CUEDC2: variants seen among roughly 807,000 people sequenced by gnomAD.
CUEDC2 encodes CUE domain-containing protein 2.
A neutral mutation model predicts 36.0 loss-of-function variants in CUEDC2; 10 were observed. That is an observed-to-expected ratio of 0.28 (90% CI 0.17 to 0.47). The LOEUF is 0.47. CUEDC2 is among the 20% of genes least tolerant of loss of function. CUEDC2 has a pLI of 0.99. For missense variants in CUEDC2, 269 were observed against 368.1 expected (o/e 0.73, Z 2.20); for synonymous variants, 133 against 141.8 (o/e 0.94, Z 0.44).
At chr10:102,430,135 T>TTC (rs1198744415) in intron 1 of CUEDC2, among the ~76,000 whole-genome samples, 3 of 118,480 alleles carry the variant, frequency 2.5e-5, no homozygotes, top group Admixed American at 9.1e-5. Context: ...GGTTTTCTTT[T>TTC]TTTTTTTTTA....
At position 102,424,205 on chromosome 10, in the gene CUEDC2, C is replaced by A. The variant is rs1334956862; in HGVS notation, c.412-27G>T. ...TAAGGGTACAAACGTTAACAAGAGG[C>A]AATACTCCCCCCTTTCCAGCCCCCT... On this transcript the variant is annotated intron_variant, in intron 5 of 8. Coordinates refer to ENST00000369937, the MANE Select transcript of CUEDC2 (RefSeq NM_024040.3). The surrounding 1 kb of genome is among the most constrained non-coding windows in gnomAD (Gnocchi z 4.2). The A allele has an allele frequency of 5.0e-6, 8 of 1,611,320 alleles. No homozygotes were observed. In the South Asian group the frequency reaches 8.8e-5, roughly 18 times the overall value.
At position 102,424,172 on chromosome 10, in the gene CUEDC2, C is replaced by A; in HGVS notation, c.418G>T (p.Gly140Cys). Residue 140 changes from glycine to cysteine, a missense_variant, in exon 6 of 9, where the codon GGC becomes TGC. Gly to Cys is a radical substitution (Grantham distance 159). Transcript: ENST00000369937. This position sits in a 1 kb window ranked among gnomAD's most constrained non-coding sequence, Gnocchi z 4.2. ...CCTGGCAGAAGCTCCTCCTCAGCGCCAGTTGCCTAAGGGTACAAACGTTAA... is the reference window on the plus strand; with the variant it reads ...CCTGGCAGAAGCTCCTCCTCAGCGCAAGTTGCCTAAGGGTACAAACGTTAA... The part of the protein sequence containing the change: ...AAADTQDEAT[G>C]AEEELLPGVD... The A allele has an allele frequency of 6.2e-7, 1 of 1,613,894 alleles. No individual in the cohort carries two copies. The highest frequency in any genetic ancestry group is 8.5e-7 in the Non-Finnish European group (1 of 1,179,860).
chr10:102,429,880 T>C (rs1024015224), intron 1 of CUEDC2, among the ~76,000 whole-genome samples: 5 of 147,088 alleles, frequency 3.4e-5, no homozygotes, highest in Non-Finnish European at 6.0e-5. Flanking sequence ...AGTGCAATGG[T>C]GTGAACCTGA....
Position 102,423,775 on chromosome 10 carries a change from A to G in CUEDC2, c.656+23T>C, listed in dbSNP as rs891530533. The G allele has an allele frequency of 1.2e-6, 2 of 1,613,344 alleles. No homozygotes were observed. The highest frequency in any genetic ancestry group is 1.7e-6 in the Non-Finnish European group (2 of 1,179,644). On this transcript the variant is annotated intron_variant, in intron 7 of 8. Coordinates refer to ENST00000369937, the MANE Select transcript of CUEDC2 (RefSeq NM_024040.3). The surrounding 1 kb of genome is among the most constrained non-coding windows in gnomAD (Gnocchi z 5.6). Reference sequence around the variant, plus strand: ...ACCCTGGGAAGACCCTCTAGGGCCCAGCCCAGCCCAGCCCAGACTCACTTC... The same window carrying G: ...ACCCTGGGAAGACCCTCTAGGGCCCGGCCCAGCCCAGCCCAGACTCACTTC...
chr10:102,425,212 G>C lies in CUEDC2; in HGVS notation c.-10-14C>G, dbSNP rs1263334805. 1.2e-6 allele frequency: 2 copies of C among 1,605,858 alleles called. No homozygotes were observed. The highest frequency in any genetic ancestry group is 1.7e-6 in the Non-Finnish European group (2 of 1,173,200). ...ATGCTCTCTCTTCTGAAGGGACACA[G>C]ACAGGATGGCCAGGCCTTCTTCTGC... is the stretch of plus-strand genomic sequence containing the variant. On this transcript the variant is annotated splice_polypyrimidine_tract_variant and intron_variant, in intron 1 of 8. Coordinates refer to ENST00000369937, the MANE Select transcript of CUEDC2 (RefSeq NM_024040.3).
chr10:102,426,034 C>A (rs993756612), intron 1 of CUEDC2, among the ~76,000 whole-genome samples: 1 of 152,164 alleles, frequency 6.6e-6, no homozygotes, highest in South Asian at 2.1e-4. Flanking sequence ...TCTCCATGCC[C>A]CTTAACCCTA....
At position 102,424,447 on chromosome 10, in the gene CUEDC2, G is replaced by A. The variant is rs897416445; in HGVS notation, c.280+52C>T. The A allele has an allele frequency of 1.9e-6, 3 of 1,614,096 alleles. No individual in the cohort carries two copies. Among genetic ancestry groups the A allele is most frequent in the Non-Finnish European group, 2.5e-6 (3 of 1,179,982 alleles). ...TTGCCAAGGCTCTGGGGAGCAGGCA[G>A]TTGGGGGAGCGGGATTATGAATCAC... On this transcript the variant is annotated intron_variant, in intron 4 of 8. Transcript: ENST00000369937. This position sits in a 1 kb window ranked among gnomAD's most constrained non-coding sequence, Gnocchi z 4.2.
intron 1 of CUEDC2, among the ~76,000 whole-genome samples, chr10:102,428,514 T>G (rs961386735): frequency 2.0e-5 from 3 of 152,146 alleles, no homozygotes; most frequent in African/African-American, 7.2e-5. Flanking sequence ...ACACAAACTA[T>G]TTCCTCTGCC....
intron 1 of CUEDC2, among the ~76,000 whole-genome samples, chr10:102,425,965 C>T (rs758521543): frequency 1.7e-4 from 26 of 152,150 alleles, no homozygotes; most frequent in Non-Finnish European, 3.1e-4. Flanking sequence ...CTCAGGGCTC[C>T]GCTCAAATGT....
rs778499786 is a variant in CUEDC2 at position 102,423,851 on chromosome 10, G to A, written c.603C>T (p.Pro201=). ...CCTTTTGGGGGCCTCTGAGGCGTCT[G>A]GGCAGGTCCTGCAGAGAGGGGAGGC... ...AAWEGPNQDL[P]RRLRGPQKDE... Residue 201 remains proline, a synonymous_variant, in exon 7 of 9, where the codon CCC becomes CCT. Transcript: ENST00000369937. The surrounding 1 kb of genome is among the most constrained non-coding windows in gnomAD (Gnocchi z 5.6). 6.2e-7 allele frequency: 1 copy of A among 1,613,260 alleles called. No homozygotes were observed. The highest frequency in any genetic ancestry group is 1.1e-5 in the South Asian group (1 of 91,000).
chr10:102,424,009 T>G lies in CUEDC2; in HGVS notation c.581A>C (p.Glu194Ala). The change falls in exon 6 of 9, where the codon GAG becomes GCG. Residue 194 changes from glutamate (E) to alanine (A), a missense_variant. By Grantham distance (107) the Glu-to-Ala change is moderately radical. Coordinates refer to ENST00000369937, the MANE Select transcript of CUEDC2 (RefSeq NM_024040.3). This position sits in a 1 kb window ranked among gnomAD's most constrained non-coding sequence, Gnocchi z 4.2. Reference sequence around the variant, plus strand: ...GGGAAAAGATACCTGGTTGGGGCCCTCCCAGGCTGCAGGCCCCTCTTCCTT... The same window carrying G: ...GGGAAAAGATACCTGGTTGGGGCCCGCCCAGGCTGCAGGCCCCTCTTCCTT... ...EGKEEGPAAW[E>A]GPNQDLPRRL... 6.2e-7 allele frequency: 1 copy of G among 1,613,866 alleles called. No homozygotes were observed. Among genetic ancestry groups the G allele is most frequent in the Non-Finnish European group, 8.5e-7 (1 of 1,179,888 alleles).
rs549700732 is a variant in CUEDC2, at chr10:102,427,343, A to C, written c.-10-2145T>G. Among the ~76,000 whole-genome samples, 4 of 152,208 alleles carry C rather than the reference A, an allele frequency of 2.6e-5. No individual in the cohort carries two copies. In the East Asian group the frequency reaches 7.7e-4, roughly 29 times the overall value. On this transcript the variant is annotated intron_variant, in intron 1 of 8. Coordinates refer to ENST00000369937, the MANE Select transcript of CUEDC2 (RefSeq NM_024040.3). ...TACCAATGCCATGTCATCAATTCCC[A>C]AATGTCCAGTCCTCTAGTCCAGTCT... is the stretch of plus-strand genomic sequence containing the variant.
intron 1 of CUEDC2, among the ~76,000 whole-genome samples, chr10:102,425,814 C>T (rs934154020): frequency 2.0e-5 from 3 of 152,086 alleles, no homozygotes; most frequent in Non-Finnish European, 4.4e-5. Flanking sequence ...GAGGAGCCCA[C>T]AGATCTGGCC....
rs1217316146 is a variant in CUEDC2 at position 102,423,813 on chromosome 10, G to A, written c.641C>T (p.Ser214Phe). ...CCAGACTCACTTCTGCAGGATGAAG[G>A]ACTTCAGCTCATCCTTTTGGGGGCC... Reference protein sequence around the residue: ...LRGPQKDELKSFILQKYMMVD... With the variant: ...LRGPQKDELKFFILQKYMMVD... Residue 214 changes from serine to phenylalanine, a missense_variant, in exon 7 of 9, where the codon TCC becomes TTC. Coordinates refer to ENST00000369937, the MANE Select transcript of CUEDC2 (RefSeq NM_024040.3). The surrounding 1 kb of genome is among the most constrained non-coding windows in gnomAD (Gnocchi z 5.6). 1 of 1,613,948 alleles carries A rather than the reference G, an allele frequency of 6.2e-7. No individual in the cohort carries two copies. The highest frequency in any genetic ancestry group is 8.5e-7 in the Non-Finnish European group (1 of 1,179,950).
chr10:102,424,110 C>T lies in CUEDC2; in HGVS notation c.480G>A (p.Ser160=), dbSNP rs200525665. 2.8e-5 allele frequency: 45 copies of T among 1,614,110 alleles called. No individual in the cohort carries two copies. In the East Asian group the frequency reaches 2.9e-4, roughly 10 times the overall value. Residue 160 remains serine, a synonymous_variant, in exon 6 of 9, where the codon TCG becomes TCA. Coordinates refer to ENST00000369937, the MANE Select transcript of CUEDC2 (RefSeq NM_024040.3). The surrounding 1 kb of genome is among the most constrained non-coding windows in gnomAD (Gnocchi z 4.2). ...CCAGCACCCACTGGGCCTGCTCCACCGAACAGGTAGGGAACACCTCCAGGA... is the reference window on the plus strand; with the variant it reads ...CCAGCACCCACTGGGCCTGCTCCACTGAACAGGTAGGGAACACCTCCAGGA... The part of the protein sequence containing the change: ...DVLLEVFPTC[S]VEQAQWVLAK...
intron 1 of CUEDC2, among the ~76,000 whole-genome samples, chr10:102,428,153 C>A (rs1489608295): frequency 3.9e-5 from 6 of 152,136 alleles, no homozygotes; most frequent in African/African-American, 1.4e-4. Flanking sequence ...GTTGGCCAGG[C>A]AGGTCTTGAA....
rs766578679 is a variant in CUEDC2 at position 102,423,659 on chromosome 10, C to T, written c.715G>A (p.Glu239Lys). 1.2e-6 allele frequency: 2 copies of T among 1,614,208 alleles called. No individual in the cohort carries two copies. The highest frequency in any genetic ancestry group is 1.1e-5 in the South Asian group (1 of 91,090). Residue 239 changes from glutamate (E) to lysine (K), a missense_variant and splice_region_variant, in exon 8 of 9, where the codon GAG becomes AAG. Physicochemically the swap from Glu to Lys is moderately conservative, Grantham distance 56. Transcript: ENST00000369937. This position sits in a 1 kb window ranked among gnomAD's most constrained non-coding sequence, Gnocchi z 5.6. ...QKIHRPMAPK[E>K]APKKLIRYID... is the part of the protein sequence containing the mutation. ...CCAGCAACCCTTAACTCTCTCACCT[C>T]CTTGGGAGCCATGGGCCGGTGAATC...
chr10:102,425,881 CT>C (rs778098141), intron 1 of CUEDC2, among the ~76,000 whole-genome samples: 4 of 152,112 alleles, frequency 2.6e-5, no homozygotes, highest in Non-Finnish European at 5.9e-5. Flanking sequence ...CCCACCCCAC[CT>C]TCTGTCCCTC....
chr10:102,423,734 G>A lies in CUEDC2; in HGVS notation c.657-17C>T. On this transcript the variant is annotated splice_polypyrimidine_tract_variant and intron_variant, in intron 7 of 8. Transcript: ENST00000369937. This position sits in a 1 kb window ranked among gnomAD's most constrained non-coding sequence, Gnocchi z 5.6. The stretch of plus-strand genomic sequence containing the variant: ...ATCATGTACCTGTCAAAAACTGGCT[G>A]GGTGAAGCTCCTGTCACCCTGGGAA... The A allele has an allele frequency of 6.2e-7, 1 of 1,614,126 alleles. No homozygotes were observed. The highest frequency in any genetic ancestry group is 8.5e-7 in the Non-Finnish European group (1 of 1,180,006).
Sources: gnomAD v4.1 joint callset for allele counts (sites outside exome capture counted in the v4.1 genomes callset) on GRCh38, gnomAD v4.1.1 for gene constraint, Gnocchi (gnomAD v3.1) non-coding constraint, MANE v1.5 for transcripts, NCBI Gene and HGNC (gene_info 2026-07-23, HGNC 2026-07-21) for gene names.